ANG: variants seen among roughly 807,000 people sequenced by gnomAD.
The protein encoded by ANG is Homo sapiens epididymis luminal protein 168.
For missense variants in ANG, 178 were observed against 187.4 expected (o/e 0.95, Z 0.29); for synonymous variants, 74 against 73.8 (o/e 1.00, Z -0.02).
intron 1 of ANG, among the ~76,000 whole-genome samples, chr14:20,693,009 G>A (rs1170376342): frequency 1.4e-4 from 21 of 151,724 alleles, no homozygotes; most frequent in Middle Eastern, 6.8e-3. Context: ...CACTACGCCC[G>A]GCTAATTTTT....
At chr14:20,684,247 T>C (rs117053048), upstream of ANG, 3,867 of 152,242 alleles carry the variant, frequency 0.025, 67 homozygotes, top group South Asian at 0.042. Flanking sequence ...CAAGACCAAG[T>C]TTCATGGGTT....
intron 1 of ANG, 60 bp from the exon 2 acceptor site, chr14:20,693,487 T>C (rs553429701): frequency 6.3e-7 from 1 of 1,597,948 alleles, no homozygotes; most frequent in African/African-American, 1.3e-5. Flanking sequence ...CTCCTGTCCT[T>C]TTGGCCTAAT....
chr14:20,694,030 G>T lies in ANG; in HGVS notation c.*22G>T. 1.2e-6 allele frequency: 2 copies of T among 1,613,662 alleles called. No homozygotes were observed. The highest frequency in any genetic ancestry group is 1.7e-6 in the Non-Finnish European group (2 of 1,179,590). On this transcript the variant is annotated 3_prime_UTR_variant, in exon 2 of 2. Transcript: ENST00000397990. ...GTAACCAGCGGGCCCCTGGTCAAGT[G>T]CTGGCTCTGCTGTCCTTGCCTTCCA...
In ANG at chr14:20,693,554, T is replaced by G. The variant is rs199609607; in HGVS notation, c.-11T>G. On this transcript the variant is annotated 5_prime_UTR_variant, in exon 2 of 2. Coordinates refer to ENST00000397990, the MANE Select transcript of ANG (RefSeq NM_001097577.3). Reference sequence around the variant, plus strand: ...TCCTTTTGCCCTCCGCAGGAGCCTGTGTTGGAAGAGATGGTGATGGGCCTG... The same window carrying G: ...TCCTTTTGCCCTCCGCAGGAGCCTGGGTTGGAAGAGATGGTGATGGGCCTG... 6.2e-7 allele frequency: 1 copy of G among 1,611,682 alleles called. No individual in the cohort carries two copies. The highest frequency in any genetic ancestry group is 8.5e-7 in the Non-Finnish European group (1 of 1,180,026).
chr14:20,685,545 C>T (rs1028984454), upstream of ANG, among the ~76,000 whole-genome samples: 4 of 152,198 alleles, frequency 2.6e-5, no homozygotes, highest in Admixed American at 6.5e-5. Flanking sequence ...ACTTACTTAA[C>T]CACAGAGCCA....
chr14:20,690,107 C>T (rs1211575963), intron 1 of ANG, among the ~76,000 whole-genome samples: 4 of 140,136 alleles, frequency 2.9e-5, no homozygotes, highest in Admixed American at 2.1e-4. Flanking sequence ...CCCAGCTACT[C>T]GGGAGGCTGA....
intron 1 of ANG, among the ~76,000 whole-genome samples, chr14:20,690,154 G>A (rs1163139108): frequency 5.2e-5 from 7 of 134,040 alleles, no homozygotes; most frequent in Middle Eastern, 4.2e-3. Flanking sequence ...GGCGGAGCTT[G>A]CAGTGAGCCG....
At chr14:20,690,088 G>A (rs1294865244) in intron 1 of ANG, among the ~76,000 whole-genome samples, 4 of 148,052 alleles carry the variant, frequency 2.7e-5, no homozygotes, top group African/African-American at 5.0e-5. Flanking sequence ...GGTGGCGGGC[G>A]CCTGTAGTCC....
intron 1 of ANG, chr14:20,693,335 G>C: frequency 1.6e-6 from 1 of 630,114 alleles, no homozygotes; most frequent in Non-Finnish European, 2.8e-6. Flanking sequence ...GTTGGAGCTA[G>C]AGGTTGTGCT....
At chr14:20,689,137 C>T (rs1399479831) in intron 1 of ANG, among the ~76,000 whole-genome samples, 1 of 152,168 alleles carries the variant, frequency 6.6e-6, no homozygotes, top group African/African-American at 2.4e-5. Flanking sequence ...CCTGGGGGAG[C>T]CATTTGCTGA....
upstream of ANG, among the ~76,000 whole-genome samples, chr14:20,685,938 G>T (rs1399111723): frequency 6.6e-6 from 1 of 151,950 alleles, no homozygotes; most frequent in Non-Finnish European, 1.5e-5. Context: ...TACTCGGGAG[G>T]CTGAGACAGG....
rs747847790 is a variant in ANG at position 20,693,800 on chromosome 14, C to T, written c.236C>T (p.Ala79Val). Residue 79 changes from alanine to valine, a missense_variant, in exon 2 of 2, where the codon GCC becomes GTC. Physicochemically the swap from Ala to Val is moderately conservative, Grantham distance 64. Transcript: ENST00000397990. ...FIHGNKRSIK[A>V]ICENKNGNPH... ...CATGGCAACAAGCGCAGCATCAAGG[C>T]CATCTGTGAAAACAAGAATGGAAAC... The T allele has an allele frequency of 3.1e-6, 5 of 1,614,154 alleles. No homozygotes were observed. The South Asian group carries it at 5.5e-5, about 18-fold the overall frequency.
In ANG at chr14:20,690,139, C is replaced by T. The variant is rs1473477314; in HGVS notation, c.-19+1265C>T. 1.4e-3 allele frequency among the ~76,000 whole-genome samples: 194 copies of T among 142,866 alleles called. 1 individual carries two copies. The highest frequency in any genetic ancestry group is 7.2e-3 in the Middle Eastern group (2 of 276). 93.7% of individuals were successfully genotyped at this position (142,866 alleles called of 152,430 possible). On this transcript the variant is annotated intron_variant, in intron 1 of 1. Coordinates refer to ENST00000397990, the MANE Select transcript of ANG (RefSeq NM_001097577.3). ...CTGAGGCAGGAGAATGGCGTGAACC[C>T]GGGAGGCGGAGCTTGCAGTGAGCCG...
rs121909543 is a variant in ANG, at chr14:20,693,971, C to T, written c.407C>T (p.Pro136Leu). The T allele has an allele frequency of 1.7e-5, 27 of 1,613,982 alleles. No individual in the cohort carries two copies. Among genetic ancestry groups the T allele is most frequent in the Admixed American group, 8.3e-5 (5 of 59,990 alleles). ...NVVVACENGL[P>L]VHLDQSIFRR... is the part of the protein sequence containing the mutation. ...GTTGTTGCTTGTGAAAATGGCTTAC[C>T]TGTCCACTTGGATCAGTCAATTTTC... The change falls in exon 2 of 2, where the codon CCT (proline) becomes CTT (leucine). Residue 136 changes from proline to leucine, a missense_variant. Pro to Leu is a moderately conservative substitution (Grantham distance 98, BLOSUM62 -3). Coordinates refer to ENST00000397990, the MANE Select transcript of ANG (RefSeq NM_001097577.3).
chr14:20,685,140 A>C (rs9322855), upstream of ANG, among the ~76,000 whole-genome samples: 68,209 of 151,848 alleles, frequency 0.45, 15,468 homozygotes, highest in Middle Eastern at 0.52. Context: ...AGTTTTTTGC[A>C]AGCGTAACTA....
At chr14:20,686,891 T>C (rs7145463), upstream of ANG, among the ~76,000 whole-genome samples, 1,128 of 152,332 alleles carry the variant, frequency 7.4e-3, 18 homozygotes, top group African/African-American at 0.026. Context: ...ATGATACATA[T>C]ATACTCTGTA....
At chr14:20,685,972 G>A (rs148417923), upstream of ANG, among the ~76,000 whole-genome samples, 729 of 151,922 alleles carry the variant, frequency 4.8e-3, 5 homozygotes, top group African/African-American at 0.016. Context: ...CCTGGGAGGC[G>A]GAGGTTACAG....
At chr14:20,689,172 C>A in intron 1 of ANG, among the ~76,000 whole-genome samples, 1 of 152,324 alleles carries the variant, frequency 6.6e-6, no homozygotes, top group African/African-American at 2.4e-5. Context: ...CCTCCCCCGT[C>A]GTCCACCCCT....
Position 20,694,162 on chromosome 14 carries a change from A to T in ANG, c.*154A>T. The stretch of plus-strand genomic sequence containing the variant: ...CTGTTTGACAACATGTTTAATAAAT[A>T]AAAATGTCTTGATATCAGTAAGAAT... On this transcript the variant is annotated 3_prime_UTR_variant, in exon 2 of 2. Coordinates refer to ENST00000397990, the MANE Select transcript of ANG (RefSeq NM_001097577.3). The T allele has an allele frequency of 2.5e-6, 2 of 803,010 alleles. No individual in the cohort carries two copies. The highest frequency in any genetic ancestry group is 4.2e-6 in the Non-Finnish European group (2 of 479,888). 49.7% of individuals were successfully genotyped at this position (803,010 alleles called of 1,614,324 possible). A position where few individuals can be genotyped will look rare whatever the true frequency, so the allele number is the denominator to read the frequency against.
Sources: gnomAD v4.1 joint callset for allele counts (sites outside exome capture counted in the v4.1 genomes callset) on GRCh38, gnomAD v4.1.1 for gene constraint, MANE v1.5 for transcripts, NCBI Gene and HGNC (gene_info 2026-07-23, HGNC 2026-07-21) for gene names.